Variants in CCDC88A observed in about 807,000 individuals in gnomAD.
CCDC88A encodes girdin.
CCDC88A carries 54 observed loss-of-function variants against 234.3 expected under a neutral mutation model. The ratio of observed to expected loss-of-function variants is 0.23; its 90% confidence interval spans 0.19 to 0.29. CCDC88A has a LOEUF of 0.29. CCDC88A is among the 10% of genes least tolerant of loss of function. The pLI is 1.00. For synonymous variants in CCDC88A, 753 were observed against 737.8 expected (o/e 1.02, Z -0.33); for missense variants, 1,832 against 2,123.4 (o/e 0.86, Z 2.70).
chr2:55,354,143 CT>C (rs70954105), intron 8 of CCDC88A, among the ~76,000 whole-genome samples: 5,255 of 146,078 alleles, frequency 0.036, 253 homozygotes, highest in African/African-American at 0.12. Flanking sequence ...AAAAATGGTA[CT>C]TTTTTTTTTT....
chr2:55,377,344 G>C (rs1334666290), intron 3 of CCDC88A, among the ~76,000 whole-genome samples: 2 of 151,322 alleles, frequency 1.3e-5, no homozygotes, highest in Admixed American at 1.3e-4. Flanking sequence ...TTGTTATAGA[G>C]ACAAGGTCTC....
intron 7 of CCDC88A, among the ~76,000 whole-genome samples, chr2:55,358,131 C>A (rs558214281): frequency 6.6e-6 from 1 of 152,088 alleles, no homozygotes; most frequent in Non-Finnish European, 1.5e-5. Flanking sequence ...GTTACTGACT[C>A]ACTCTTTGAA....
intron 2 of CCDC88A, among the ~76,000 whole-genome samples, chr2:55,396,513 T>G (rs996607013): frequency 2.0e-5 from 3 of 152,122 alleles, no homozygotes; most frequent in African/African-American, 7.2e-5. Context: ...CTAGAGCTCT[T>G]TTACTCTTTT....
intron 17 of CCDC88A, 122 bp from the exon 18 acceptor site, chr2:55,322,814 A>G (rs1683795549): frequency 4.2e-6 from 2 of 475,136 alleles, no homozygotes; most frequent in Non-Finnish European, 7.5e-6. Context: ...TTTAAATGTG[A>G]TGAATAATAT....
At chr2:55,390,845 T>C (rs1676521583) in intron 2 of CCDC88A, among the ~76,000 whole-genome samples, 1 of 152,186 alleles carries the variant, frequency 6.6e-6, no homozygotes, top group Non-Finnish European at 1.5e-5. Context: ...ATTTTGGCTT[T>C]GGCTTCACAC....
At chr2:55,384,631 G>A (rs868299236) in intron 3 of CCDC88A, among the ~76,000 whole-genome samples, 1 of 72,844 alleles carries the variant, frequency 1.4e-5, no homozygotes, top group African/African-American at 5.4e-5. Context: ...GTATATATAT[G>A]TATATATGTG....
rs758118077 is a variant in CCDC88A, at chr2:55,301,926, A to C, written c.4618T>G (p.Ser1540Ala). 1 of 1,614,186 alleles carries C rather than the reference A, an allele frequency of 6.2e-7. No individual in the cohort carries two copies. Among genetic ancestry groups the C allele is most frequent in the South Asian group, 1.1e-5 (1 of 91,082 alleles). Residue 1540 changes from serine to alanine, a missense_variant, in exon 27 of 33, where the codon TCA becomes GCA. By Grantham distance (99) the Ser-to-Ala change is moderately conservative. Transcript: ENST00000436346. ...MAFSTTAINF[S>A]TVNSSAGFRS... ...AAGCCTGCAGAAGAGTTGACAGTTG[A>C]AAAGTTGATGGCTGTAGTAGAGAAG...
Position 55,335,218 on chromosome 2 carries a change from G to T in CCDC88A, c.1657-54C>A. 1.7e-6 allele frequency: 2 copies of T among 1,150,088 alleles called. No individual in the cohort carries two copies. Among genetic ancestry groups the T allele is most frequent in the African/African-American group, 1.6e-5 (1 of 64,102 alleles). The allele number at this position is 1,150,088 out of a possible 1,614,324, so 71.2% of individuals were successfully genotyped here. A position where few individuals can be genotyped will look rare whatever the true frequency, so the allele number is the denominator to read the frequency against. ...TGTAATTGAGGAAAAACTAACTATG[G>T]TTTATCTCTTCCAAAAACTACCAAG... On this transcript the variant is annotated intron_variant, in intron 14 of 32. Coordinates refer to ENST00000436346, the MANE Select transcript of CCDC88A (RefSeq NM_001365480.1). The surrounding 1 kb of genome is among the most constrained non-coding windows in gnomAD (Gnocchi z 4.5).
At position 55,307,602 on chromosome 2, in the gene CCDC88A, G is replaced by A. The variant is rs532515511; in HGVS notation, c.4387+1207C>T. Among the ~76,000 whole-genome samples the A allele has an allele frequency of 1.2e-3, 177 of 151,926 alleles. 1 individual carries two copies. Among genetic ancestry groups the A allele is most frequent in the Non-Finnish European group, 2.1e-3 (144 of 67,920 alleles). ...ACTCCCAACCTCAGGTGATCCGCCCGCCTCGCCATCCAAAGTGCTGGGATT... is the reference window on the plus strand; with the variant it reads ...ACTCCCAACCTCAGGTGATCCGCCCACCTCGCCATCCAAAGTGCTGGGATT... On this transcript the variant is annotated intron_variant, in intron 25 of 32. Transcript: ENST00000436346.
chr2:55,349,407 G>C (rs148130279), intron 9 of CCDC88A, 111 bp downstream of exon 9: 751 of 780,190 alleles, frequency 9.6e-4, no homozygotes, highest in Middle Eastern at 2.1e-3. Flanking sequence ...GAAGCCTCAG[G>C]AACCTCTTTT....
intron 31 of CCDC88A, among the ~76,000 whole-genome samples, chr2:55,293,144 TTGAA>T (rs1313508043): frequency 6.6e-6 from 1 of 152,166 alleles, no homozygotes; most frequent in Non-Finnish European, 1.5e-5. Flanking sequence ...TCAATGAATT[TTGAA>T]TGAATAAATA....
At chr2:55,342,594 A>G (rs771314093) in intron 12 of CCDC88A, among the ~76,000 whole-genome samples, 1 of 152,194 alleles carries the variant, frequency 6.6e-6, no homozygotes, top group Non-Finnish European at 1.5e-5. Context: ...CACAAGGAAT[A>G]TAATTTTTAA....
At chr2:55,407,879 A>G (rs1392257533) in intron 2 of CCDC88A, among the ~76,000 whole-genome samples, 2 of 147,774 alleles carry the variant, frequency 1.4e-5, no homozygotes, top group Admixed American at 6.6e-5. Context: ...CACCATGCCC[A>G]GCTAACTTTT....
At position 55,385,051 on chromosome 2, in the gene CCDC88A, T is replaced by C. The variant is rs189730185; in HGVS notation, c.273+3727A>G. ...GCATCCTTGACTTGAATACAAAGAA[T>C]TGGCACAGATAAAGTCCCCCCAAAA... On this transcript the variant is annotated intron_variant, in intron 3 of 32. Coordinates refer to ENST00000436346, the MANE Select transcript of CCDC88A (RefSeq NM_001365480.1). 1.1e-4 allele frequency among the ~76,000 whole-genome samples: 16 copies of C among 152,188 alleles called. No individual in the cohort carries two copies. The East Asian group carries it at 2.9e-3, about 28-fold the overall frequency.
At chr2:55,331,072 G>C (rs1428045858) in intron 16 of CCDC88A, among the ~76,000 whole-genome samples, 1 of 152,152 alleles carries the variant, frequency 6.6e-6, no homozygotes, top group African/African-American at 2.4e-5. Context: ...TGTATGAAGG[G>C]TCCACCCAGA....
intron 8 of CCDC88A, 32 bp from the exon 9 acceptor site, chr2:55,349,631 C>T: frequency 6.8e-7 from 1 of 1,469,372 alleles, no homozygotes; most frequent in Non-Finnish European, 9.4e-7. Context: ...ATTAAGTATA[C>T]TATTTTTGAA....
At chr2:55,327,714 A>G (rs1462381539) in intron 17 of CCDC88A, among the ~76,000 whole-genome samples, 4 of 152,190 alleles carry the variant, frequency 2.6e-5, no homozygotes, top group African/African-American at 2.4e-5. Context: ...CCAATCTACC[A>G]TCTACTAGCC....
In CCDC88A at chr2:55,309,900, TTGTG is replaced by T. The variant is rs554744151; in HGVS notation, c.4080-650_4080-647del. Among the ~76,000 whole-genome samples, 5 of 152,096 alleles carry T rather than the reference TTGTG, an allele frequency of 3.3e-5. No homozygotes were observed. In the South Asian group the frequency reaches 8.3e-4, roughly 25 times the overall value. On this transcript the variant is annotated intron_variant, in intron 23 of 32. Transcript: ENST00000436346. This position sits in a 1 kb window ranked among gnomAD's most constrained non-coding sequence, Gnocchi z 5.1. Reference sequence around the variant, plus strand: ...TAAATTAATATAATAACATATAATATTGTGTGTGTGTATATATATAAAATGACTA... The same window carrying T: ...TAAATTAATATAATAACATATAATATTGTGTGTATATATATAAAATGACTA...
chr2:55,381,878 G>A (rs1303429185), intron 3 of CCDC88A, among the ~76,000 whole-genome samples: 1 of 152,084 alleles, frequency 6.6e-6, no homozygotes, highest in Non-Finnish European at 1.5e-5. Flanking sequence ...TATGTTCAAA[G>A]AATTCTAAAA....
Sources: gnomAD v4.1 joint callset for allele counts (sites outside exome capture counted in the v4.1 genomes callset) on GRCh38, gnomAD v4.1.1 for gene constraint, Gnocchi (gnomAD v3.1) non-coding constraint, MANE v1.5 for transcripts, NCBI Gene and HGNC (gene_info 2026-07-23, HGNC 2026-07-21) for gene names.